PYHIN1: variants seen among roughly 807,000 people sequenced by gnomAD.
PYHIN1 encodes the protein pyrin and HIN domain family member 1, also known as pyrin and HIN domain-containing protein 1.
A neutral mutation model predicts 43.7 loss-of-function variants in PYHIN1; 32 were observed. The ratio of observed to expected loss-of-function variants is 0.73; its 90% confidence interval spans 0.55 to 0.98. PYHIN1 has a LOEUF of 0.98. Among genes scored for constraint, PYHIN1 ranks in the 50% least tolerant of loss-of-function variants. The pLI is 0.00. For missense variants in PYHIN1, 588 were observed against 589.5 expected (o/e 1.00, Z 0.03); for synonymous variants, 205 against 203.1 (o/e 1.01, Z -0.08).
chr1:158,971,928 C>T (rs772147890), intron 7 of PYHIN1, among the ~76,000 whole-genome samples: 1 of 150,564 alleles, frequency 6.6e-6, no homozygotes, highest in Non-Finnish European at 1.5e-5. Context: ...ATGCTGCTAG[C>T]CAGAGAAAAT....
chr1:158,959,100 T>G (rs926011348), intron 7 of PYHIN1, among the ~76,000 whole-genome samples: 2 of 152,018 alleles, frequency 1.3e-5, no homozygotes, highest in Admixed American at 6.6e-5. Context: ...CCTTCGTTTT[T>G]GGGAGGTCCG....
At chr1:158,960,186 T>C (rs1297156452) in intron 7 of PYHIN1, among the ~76,000 whole-genome samples, 1 of 152,238 alleles carries the variant, frequency 6.6e-6, no homozygotes, top group Non-Finnish European at 1.5e-5. Flanking sequence ...CAAGTATTAT[T>C]TGAGCTAGCA....
chr1:158,948,105 T>C (rs748906207), intron 7 of PYHIN1, among the ~76,000 whole-genome samples: 6 of 152,206 alleles, frequency 3.9e-5, no homozygotes, highest in African/African-American at 1.2e-4. Context: ...AGCATACAGA[T>C]GTGTGCAGCA....
chr1:158,954,655 A>T (rs1649804171), intron 7 of PYHIN1, among the ~76,000 whole-genome samples: 1 of 148,650 alleles, frequency 6.7e-6, no homozygotes, highest in Admixed American at 6.7e-5. Context: ...TCATGCCAAA[A>T]TGTAAAGACC....
At chr1:158,938,699 A>C (rs1275141052) in intron 3 of PYHIN1, among the ~76,000 whole-genome samples, 157 bp downstream of exon 3, 1 of 152,254 alleles carries the variant, frequency 6.6e-6, no homozygotes. Flanking sequence ...TCTTTCTGCA[A>C]GGCAACAAGT....
chr1:158,990,311 A>G, the PYHIN1 span, among the ~76,000 whole-genome samples: 1 of 152,168 alleles, frequency 6.6e-6, no homozygotes, highest in Non-Finnish European at 1.5e-5. Flanking sequence ...GAGCTGTGTT[A>G]TGAGATGGTG....
chr1:158,942,328 A>G lies in PYHIN1; in HGVS notation c.931A>G (p.Ile311Val), dbSNP rs1244453887. The G allele has an allele frequency of 1.2e-6, 2 of 1,613,270 alleles. No individual in the cohort carries two copies. The highest frequency in any genetic ancestry group is 2.2e-5 in the East Asian group (1 of 44,878). ...PKDIIRRAKK[I>V]PKINILHKQT... ...GGACATCATCAGAAGAGCAAAGAAA[A>G]TTCCGAAGATCAATATTCTTCACAA... The change falls in exon 5 of 9, where the codon ATT becomes GTT. Residue 311 changes from isoleucine (I) to valine (V), a missense_variant. Physicochemically the swap from Ile to Val is conservative, Grantham distance 29 (BLOSUM62 3). Coordinates refer to ENST00000368140, the MANE Select transcript of PYHIN1 (RefSeq NM_152501.5).
At chr1:158,935,656 G>A (rs1430258231) in intron 1 of PYHIN1, among the ~76,000 whole-genome samples, 1 of 152,150 alleles carries the variant, frequency 6.6e-6, no homozygotes, top group African/African-American at 2.4e-5. Flanking sequence ...AAGGAGAATA[G>A]GGTCGGCGCC....
Position 158,964,441 on chromosome 1 carries a change from C to T in PYHIN1, c.1360-9206C>T, listed in dbSNP as rs918564175. Among the ~76,000 whole-genome samples, 23 of 152,078 alleles carry T rather than the reference C, an allele frequency of 1.5e-4. No individual in the cohort carries two copies. In the East Asian group the frequency reaches 2.5e-3, roughly 17 times the overall value. Reference sequence around the variant, plus strand: ...ACATAATCATAAGCTTTTCCAAGGTCGAAATGAATTTAAAAATGTTAAAGA... The same window carrying T: ...ACATAATCATAAGCTTTTCCAAGGTTGAAATGAATTTAAAAATGTTAAAGA... On this transcript the variant is annotated intron_variant, in intron 7 of 8. Transcript: ENST00000368140.
chr1:158,982,443 A>G, the PYHIN1 span, among the ~76,000 whole-genome samples: 4 of 152,066 alleles, frequency 2.6e-5, no homozygotes, highest in African/African-American at 7.2e-5. Flanking sequence ...TGAAGATCCA[A>G]TGGTTGTAGG....
chr1:158,941,368 G>T lies in PYHIN1; in HGVS notation c.580-609G>T, dbSNP rs190967185. On this transcript the variant is annotated intron_variant, in intron 4 of 8. Transcript: ENST00000368140. ...CCCTGACATTGAGAAAGACTGCAAT[G>T]GTGGTAATGACACTCTGTAGAGTGT... Among the ~76,000 whole-genome samples the T allele has an allele frequency of 4.2e-4, 64 of 152,288 alleles. No individual in the cohort carries two copies. In the Middle Eastern group the frequency reaches 0.01, roughly 24 times the overall value.
the PYHIN1 span, among the ~76,000 whole-genome samples, chr1:158,983,202 A>G: frequency 0.057 from 8,676 of 151,948 alleles, 520 homozygotes; most frequent in East Asian, 0.26. Flanking sequence ...TAGTGAGAGT[A>G]GGCAACTTTG....
At chr1:158,973,594 A>T in intron 7 of PYHIN1, 53 bp from the exon 8 acceptor site, 1 of 1,596,784 alleles carries the variant, frequency 6.3e-7, no homozygotes, top group Non-Finnish European at 8.6e-7. Flanking sequence ...AGAAAAAACC[A>T]GTTCTTTCTG....
intron 1 of PYHIN1, 89 bp from the exon 2 acceptor site, chr1:158,936,802 C>A: frequency 1.2e-6 from 1 of 828,586 alleles, no homozygotes; most frequent in Non-Finnish European, 1.8e-6. Context: ...ACAACTCTTT[C>A]TTATGGGCCA....
chr1:158,944,889 A>G lies in PYHIN1; in HGVS notation c.1206A>G (p.Thr402=). 1 of 1,577,590 alleles carries G rather than the reference A, an allele frequency of 6.3e-7. No homozygotes were observed. The highest frequency in any genetic ancestry group is 8.6e-7 in the Non-Finnish European group (1 of 1,166,060). ...MHSFIQIQKN[T]NQRSHDSRSM... is the part of the protein sequence containing the mutation. Reference sequence around the variant, plus strand: ...AATACTTTCAGATACAGAAAAATACAAACCAGAGAAGCCATGACTCCAGGA... The same window carrying G: ...AATACTTTCAGATACAGAAAAATACGAACCAGAGAAGCCATGACTCCAGGA... Residue 402 remains threonine, a synonymous_variant, in exon 7 of 9, where the codon ACA becomes ACG. Coordinates refer to ENST00000368140, the MANE Select transcript of PYHIN1 (RefSeq NM_152501.5).
chr1:158,949,781 A>G (rs1161443349), intron 7 of PYHIN1, among the ~76,000 whole-genome samples: 1 of 152,128 alleles, frequency 6.6e-6, no homozygotes, highest in Non-Finnish European at 1.5e-5. Flanking sequence ...CCAGTCTATC[A>G]CTGTTGGACA....
the PYHIN1 span, among the ~76,000 whole-genome samples, chr1:158,986,681 A>G: frequency 1.3e-5 from 2 of 152,168 alleles, no homozygotes; most frequent in Admixed American, 1.3e-4. Context: ...CAGATAGTTC[A>G]TTTCTATCCA....
chr1:158,962,190 C>T (rs572287180), intron 7 of PYHIN1, among the ~76,000 whole-genome samples: 1 of 152,284 alleles, frequency 6.6e-6, no homozygotes, highest in South Asian at 2.1e-4. Context: ...CTGTTTTATA[C>T]GTGGATTCCC....
At chr1:158,946,872 A>T (rs1649252560) in intron 7 of PYHIN1, among the ~76,000 whole-genome samples, 1 of 152,188 alleles carries the variant, frequency 6.6e-6, no homozygotes, top group Admixed American at 6.5e-5. Flanking sequence ...GAAAAAAATA[A>T]TCTATTTTCC....
Sources: allele counts gnomAD v4.1 joint callset (sites outside exome capture counted in the v4.1 genomes callset), GRCh38; gene constraint gnomAD v4.1.1; transcripts MANE v1.5; gene names NCBI Gene and HGNC (gene_info 2026-07-23, HGNC 2026-07-21).